The following SPATA32 variants were observed in gnomAD, a reference collection of about 807,000 sequenced individuals.
SPATA32 encodes the protein spermatogenesis associated 32, also known as spermatogenesis-associated protein 32.
A neutral mutation model predicts 35.4 loss-of-function variants in SPATA32; 28 were observed. The observed-to-expected ratio is 0.79, with a 90% CI of 0.59 to 1.09. SPATA32 has a LOEUF of 1.09. Among genes scored for constraint, SPATA32 ranks in the 50% least tolerant of loss-of-function variants. The probability of loss-of-function intolerance (pLI) is 0.00; values close to 1 mark genes in which losing one functional copy is unlikely to be tolerated. For synonymous variants in SPATA32, 168 were observed against 196.3 expected, an observed-to-expected ratio of 0.86 and a Z score of 1.20; for missense variants, 409 against 475.9, an observed-to-expected ratio of 0.86 and a Z score of 1.31.
rs1567979502 is a variant in SPATA32 at position 45,254,531 on chromosome 17, G to C, written c.1068-18C>G. 6.2e-7 allele frequency: 1 copy of C among 1,612,964 alleles called. No homozygotes were observed. Among genetic ancestry groups the C allele is most frequent in the Non-Finnish European group, 8.5e-7 (1 of 1,179,168 alleles). On this transcript the variant is annotated intron_variant, in intron 4 of 4. Transcript: ENST00000331780. ...GCACTGAGCTGCAACACAAAAGAGA[G>C]AGTGTCACTTGGGCCCCAGAGGGTG...
intron 4 of SPATA32, among the ~76,000 whole-genome samples, chr17:45,254,755 C>T (rs1243946094): frequency 6.6e-6 from 1 of 152,248 alleles, no homozygotes; most frequent in African/African-American, 2.4e-5. Flanking sequence ...TTGGGGCCAA[C>T]AGGCTTTCAA....
rs983630899 is a variant in SPATA32 at position 45,255,250 on chromosome 17, C to T, written c.932G>A (p.Ser311Asn). Residue 311 changes from serine (S) to asparagine (N), a missense_variant, in exon 4 of 5, where the codon AGT (serine) becomes AAT (asparagine). Transcript: ENST00000331780. The surrounding 1 kb of genome is among the most constrained non-coding windows in gnomAD (Gnocchi z 5.4). ...TTGAGCGAAGTTCTTGTCTTCCTGA[C>T]TCCAAGATTTCAGTGGTGCTCTGGC... ...REARAPLKSW[S>N]QEDKNFAQSY... 1 of 1,614,228 alleles carries T rather than the reference C, an allele frequency of 6.2e-7. No homozygotes were observed. Among genetic ancestry groups the T allele is most frequent in the Non-Finnish European group, 8.5e-7 (1 of 1,180,036 alleles).
Position 45,255,795 on chromosome 17 carries a change from C to T in SPATA32, c.387G>A (p.Leu129=), listed in dbSNP as rs781206777. 6.2e-7 allele frequency: 1 copy of T among 1,614,066 alleles called. No individual in the cohort carries two copies. Residue 129 remains leucine (L), a synonymous_variant, in exon 4 of 5, where the codon CTG becomes CTA. Transcript: ENST00000331780. This position sits in a 1 kb window ranked among gnomAD's most constrained non-coding sequence, Gnocchi z 5.4. The stretch of plus-strand genomic sequence containing the variant: ...CCGTGAAACTCCGGCAGTTTGAATT[C>T]AGACTCCACGGTCTGAAGGTCTGTG... ...PTPQTFRPWS[L]NSNCRSFTEE... is the part of the protein sequence containing the mutation.
chr17:45,256,179 G>C lies in SPATA32; in HGVS notation c.109-106C>G, dbSNP rs889830556. On this transcript the variant is annotated intron_variant, in intron 3 of 4. Transcript: ENST00000331780. This position sits in a 1 kb window ranked among gnomAD's most constrained non-coding sequence, Gnocchi z 4.7. ...CCCCACCCCTGCCCTGGGTCCTGCTGTCTTCCCCCCGCCCCCTAACCCCAT... is the reference window on the plus strand; with the variant it reads ...CCCCACCCCTGCCCTGGGTCCTGCTCTCTTCCCCCCGCCCCCTAACCCCAT... 5.1e-6 allele frequency: 7 copies of C among 1,364,824 alleles called. No individual in the cohort carries two copies. Among genetic ancestry groups the C allele is most frequent in the African/African-American group, 4.3e-5 (3 of 69,438 alleles). The allele number at this position is 1,364,824 out of a possible 1,614,324, so 84.5% of individuals were successfully genotyped here.
chr17:45,261,699 CCTT>C (rs1290361458), intron 1 of SPATA32: 1 of 377,488 alleles, frequency 2.6e-6, no homozygotes, highest in African/African-American at 2.1e-5. Context: ...GGCCATTGCT[CCTT>C]CTGTGGTCTC....
intron 1 of SPATA32, among the ~76,000 whole-genome samples, chr17:45,257,901 C>G (rs1404100859): frequency 6.6e-6 from 1 of 152,208 alleles, no homozygotes; most frequent in Non-Finnish European, 1.5e-5. Flanking sequence ...CAACCCCAAA[C>G]CCCTCCCTGG....
chr17:45,258,788 C>A (rs896756680), intron 1 of SPATA32, among the ~76,000 whole-genome samples: 17 of 152,106 alleles, frequency 1.1e-4, no homozygotes, highest in African/African-American at 4.1e-4. Context: ...GCATGCGCCA[C>A]GACGCCCAGC....
At chr17:45,259,712 T>A (rs780772928) in intron 1 of SPATA32, among the ~76,000 whole-genome samples, 57 of 152,010 alleles carry the variant, frequency 3.7e-4, no homozygotes, top group Admixed American at 3.3e-4. Context: ...TAGAGATGGG[T>A]CTTGTTATAT....
intron 1 of SPATA32, among the ~76,000 whole-genome samples, chr17:45,260,281 G>A (rs1390876935): frequency 2.0e-5 from 3 of 152,040 alleles, no homozygotes; most frequent in Non-Finnish European, 4.4e-5. Context: ...AGACTCTTAA[G>A]TGTGGCTGCC....
rs1491009793 is a variant in SPATA32, at chr17:45,256,417, TAA to T, written c.69-4_69-3del. The T allele has an allele frequency of 2.5e-6, 4 of 1,579,970 alleles. No individual in the cohort carries two copies. Among genetic ancestry groups the T allele is most frequent in the Non-Finnish European group, 3.4e-6 (4 of 1,159,770 alleles). ...ATCTGGTGTTGACTTAAGTCATCTC[TAA>T]GACAGAAGAAGACAGAGTGGGTGAT... On this transcript the variant is annotated splice_region_variant and splice_polypyrimidine_tract_variant and intron_variant, in intron 2 of 4. Coordinates refer to ENST00000331780, the MANE Select transcript of SPATA32 (RefSeq NM_152343.3). This position sits in a 1 kb window ranked among gnomAD's most constrained non-coding sequence, Gnocchi z 4.7.
chr17:45,255,961 T>G lies in SPATA32; in HGVS notation c.221A>C (p.Glu74Ala), dbSNP rs752371501. Residue 74 changes from glutamate (E) to alanine (A), a missense_variant, in exon 4 of 5, where the codon GAG (glutamate) becomes GCG (alanine). Transcript: ENST00000331780. This position sits in a 1 kb window ranked among gnomAD's most constrained non-coding sequence, Gnocchi z 5.4. Reference protein sequence around the residue: ...LEIGQVPALLESELYPALKLE... With the variant: ...LEIGQVPALLASELYPALKLE... ...CTTGAGGGCTGGGTATAGCTCTGAC[T>G]CCAGTAAAGCCGGCACCTGTCCGAT... 6.2e-7 allele frequency: 1 copy of G among 1,614,112 alleles called. No homozygotes were observed. Among genetic ancestry groups the G allele is most frequent in the South Asian group, 1.1e-5 (1 of 91,088 alleles).
chr17:45,257,271 C>T (rs1050024261), intron 1 of SPATA32, 64 bp from the exon 2 acceptor site: 41 of 1,531,018 alleles, frequency 2.7e-5, no homozygotes, highest in African/African-American at 2.1e-4. Context: ...AGAGGGATTC[C>T]GGAGCCAGCC....
chr17:45,255,336 G>A lies in SPATA32; in HGVS notation c.846C>T (p.Thr282=). 1 of 1,614,226 alleles carries A rather than the reference G, an allele frequency of 6.2e-7. No individual in the cohort carries two copies. Among genetic ancestry groups the A allele is most frequent in the African/African-American group, 1.3e-5 (1 of 75,062 alleles). Residue 282 remains threonine, a synonymous_variant, in exon 4 of 5, where the codon ACC becomes ACT. Coordinates refer to ENST00000331780, the MANE Select transcript of SPATA32 (RefSeq NM_152343.3). This position sits in a 1 kb window ranked among gnomAD's most constrained non-coding sequence, Gnocchi z 5.4. ...TTTCTGGCTCTCGCTCCTCCACAGT[G>A]GTCAGGAGGGGCTCTGTGGAAGGCT... ...ALEPSTEPLL[T]TVEEREPENH...
chr17:45,256,345 C>A lies in SPATA32; in HGVS notation c.108+31G>T. The A allele has an allele frequency of 6.2e-7, 1 of 1,609,984 alleles. No individual in the cohort carries two copies. Among genetic ancestry groups the A allele is most frequent in the Non-Finnish European group, 8.5e-7 (1 of 1,176,182 alleles). Reference sequence around the variant, plus strand: ...GAAGAGCCCTGCCGCTTGCCTACCACCTCCCCGTAAGAGGACACTCCCATT... The same window carrying A: ...GAAGAGCCCTGCCGCTTGCCTACCAACTCCCCGTAAGAGGACACTCCCATT... On this transcript the variant is annotated intron_variant, in intron 3 of 4. Coordinates refer to ENST00000331780, the MANE Select transcript of SPATA32 (RefSeq NM_152343.3). The surrounding 1 kb of genome is among the most constrained non-coding windows in gnomAD (Gnocchi z 4.7).
rs2143719130 is a variant in SPATA32 at position 45,255,628 on chromosome 17, C to T, written c.554G>A (p.Gly185Asp). 1.2e-6 allele frequency: 2 copies of T among 1,613,962 alleles called. No individual in the cohort carries two copies. The highest frequency in any genetic ancestry group is 1.7e-6 in the Non-Finnish European group (2 of 1,180,020). ...INMQLNNGSAGQPIRSPLREA... is the reference protein window; with the variant it reads ...INMQLNNGSADQPIRSPLREA... ...CCGGAGCGGGGATCTGATGGGCTGG[C>T]CTGCGCTGCCATTGTTGAGCTGCAT... The change falls in exon 4 of 5, where the codon GGC becomes GAC. Residue 185 changes from glycine to aspartate, a missense_variant. Transcript: ENST00000331780. The surrounding 1 kb of genome is among the most constrained non-coding windows in gnomAD (Gnocchi z 5.4).
intron 1 of SPATA32, among the ~76,000 whole-genome samples, chr17:45,259,213 G>A (rs186056890): frequency 6.6e-5 from 10 of 152,198 alleles, no homozygotes; most frequent in East Asian, 5.8e-4. Flanking sequence ...TCCTCGCTTC[G>A]TTCTGAGCTT....
chr17:45,255,627 G>T lies in SPATA32; in HGVS notation c.555C>A (p.Gly185=), dbSNP rs1234048577. The T allele has an allele frequency of 2.5e-6, 4 of 1,613,840 alleles. No individual in the cohort carries two copies. Among genetic ancestry groups the T allele is most frequent in the Non-Finnish European group, 3.4e-6 (4 of 1,180,042 alleles). The part of the protein sequence containing the change: ...INMQLNNGSA[G]QPIRSPLREA... Reference sequence around the variant, plus strand: ...CCCGGAGCGGGGATCTGATGGGCTGGCCTGCGCTGCCATTGTTGAGCTGCA... The same window carrying T: ...CCCGGAGCGGGGATCTGATGGGCTGTCCTGCGCTGCCATTGTTGAGCTGCA... The change falls in exon 4 of 5, where the codon GGC becomes GGA. Residue 185 remains glycine (G), a synonymous_variant. Transcript: ENST00000331780. The surrounding 1 kb of genome is among the most constrained non-coding windows in gnomAD (Gnocchi z 5.4).
chr17:45,260,000 G>A (rs1327364004), intron 1 of SPATA32: 1 of 151,006 alleles, frequency 6.6e-6, no homozygotes, highest in Non-Finnish European at 1.5e-5. Flanking sequence ...TCTTTGTTAG[G>A]TTTTGATAGG....
intron 2 of SPATA32, 151 bp downstream of exon 2, chr17:45,257,002 C>T: frequency 1.2e-6 from 1 of 846,358 alleles, no homozygotes; most frequent in Non-Finnish European, 1.9e-6. Context: ...ACGCCCTCCC[C>T]AGCCTTTTGG....
Sources: allele counts gnomAD v4.1 joint callset (sites outside exome capture counted in the v4.1 genomes callset), GRCh38; gene constraint gnomAD v4.1.1; non-coding constraint Gnocchi (gnomAD v3.1); transcripts MANE v1.5; gene names NCBI Gene and HGNC (gene_info 2026-07-23, HGNC 2026-07-21).